Variants in ZFYVE26 observed in about 807,000 individuals in gnomAD.
ZFYVE26 encodes zinc finger FYVE domain-containing protein 26.
ZFYVE26 carries 181 observed loss-of-function variants against 276.5 expected under a neutral mutation model. The observed-to-expected ratio is 0.65, with a 90% confidence interval of 0.58 to 0.74. The LOEUF (loss-of-function observed/expected upper bound fraction) is 0.74. Ranked by LOEUF, ZFYVE26 falls within the 30% of genes least tolerant of loss-of-function variation. The pLI is 0.00. For synonymous variants in ZFYVE26, 1,129 were observed against 1,203.1 expected (o/e 0.94, Z 1.27); for missense variants, 2,821 against 3,097.9 (o/e 0.91, Z 2.12).
chr14:67,808,332 A>C lies in ZFYVE26; in HGVS notation c.364-412T>G, dbSNP rs569440226. On this transcript the variant is annotated intron_variant, in intron 4 of 41. Coordinates refer to ENST00000347230, the MANE Select transcript of ZFYVE26 (RefSeq NM_015346.4). The stretch of plus-strand genomic sequence containing the variant: ...GGCATTTACATTCAATTTTTAAAAG[A>C]ATGTCAGTTTTTAACCCTTGATCTA... 2.6e-5 allele frequency among the ~76,000 whole-genome samples: 4 copies of C among 152,264 alleles called. No homozygotes were observed. The South Asian group carries it at 8.3e-4, about 31-fold the overall frequency.
chr14:67,804,004 A>G, intron 9 of ZFYVE26, 97 bp downstream of exon 9: 1 of 1,536,344 alleles, frequency 6.5e-7, no homozygotes, highest in Non-Finnish European at 9.0e-7. Context: ...CTCTTGAAAG[A>G]TCTCAGCAAT....
chr14:67,735,394 C>A, intron 13 of ZFYVE26: 1 of 674,008 alleles, frequency 1.5e-6, no homozygotes. Context: ...TGTCATGTTT[C>A]CAGAAAAGAC....
chr14:67,780,383 A>G, intron 22 of ZFYVE26, 38 bp from the exon 23 acceptor site: 3 of 1,562,830 alleles, frequency 1.9e-6, no homozygotes, highest in Non-Finnish European at 2.6e-6. Context: ...ACCACACTGC[A>G]GCTTCTCCCT....
At chr14:67,809,382 C>T in intron 3 of ZFYVE26, 93 bp from the exon 4 acceptor site, 12 of 738,416 alleles carry the variant, frequency 1.6e-5, no homozygotes, top group Non-Finnish European at 2.2e-5. Flanking sequence ...AGTCTTATTT[C>T]TGCTATTTCT....
At position 67,733,671 on chromosome 14, in the gene ZFYVE26, T is replaced by C. The variant is rs1015011601; in HGVS notation, n.2680-3852A>G. The C allele has an allele frequency of 1.1e-5, 11 of 965,916 alleles. No individual in the cohort carries two copies. The African/African-American group carries it at 1.8e-4, about 16-fold the overall frequency. 59.8% of individuals were successfully genotyped at this position (965,916 alleles called of 1,614,324 possible). ...GTATTTTATTCATTTAGAAACATTC[T>C]GAGAAAGGGACCATAAAGATTTCCA... On this transcript the variant is annotated intron_variant and non_coding_transcript_variant, in intron 13 of 14. Coordinates refer to the ZFYVE26 transcript ENST00000394455.
chr14:67,778,209 T>C lies in ZFYVE26; in HGVS notation c.4714A>G (p.Ile1572Val). 1 of 1,614,194 alleles carries C rather than the reference T, an allele frequency of 6.2e-7. No homozygotes were observed. The change falls in exon 24 of 42, where the codon ATT becomes GTT. Residue 1572 changes from isoleucine (I) to valine (V), a missense_variant. Transcript: ENST00000347230. ...AGGCTGATTAAATGTTCTCTTGGAA[T>C]GGGGTACAGGCAGCCCCACTCTTCA... is the stretch of plus-strand genomic sequence containing the variant. ...LCEEWGCLYP[I>V]PREHLISLHQ... is the part of the protein sequence containing the mutation.
intron 9 of ZFYVE26, 100 bp from the exon 10 acceptor site, chr14:67,802,382 C>A (rs2040096244): frequency 1.7e-6 from 2 of 1,174,120 alleles, no homozygotes; most frequent in Non-Finnish European, 2.5e-6. Flanking sequence ...TAGAGGTCCA[C>A]TTGTAGGTTC....
At chr14:67,783,562 AT>A (rs1168783614) in intron 20 of ZFYVE26, 37 bp from the exon 21 acceptor site, 1 of 1,606,026 alleles carries the variant, frequency 6.2e-7, no homozygotes, top group South Asian at 1.1e-5. Flanking sequence ...CAAGGCCTGA[AT>A]ACACAGGCAC....
chr14:67,750,186 A>C (rs1018318766), intron 41 of ZFYVE26, among the ~76,000 whole-genome samples: 5 of 152,204 alleles, frequency 3.3e-5, no homozygotes, highest in Admixed American at 2.0e-4. Context: ...AGGATGTCAG[A>C]ATTTCATCCT....
Position 67,798,289 on chromosome 14 carries a change from G to C in ZFYVE26, c.1973C>G (p.Pro658Arg). 1 of 1,614,186 alleles carries C rather than the reference G, an allele frequency of 6.2e-7. No individual in the cohort carries two copies. Residue 658 changes from proline to arginine, a missense_variant, in exon 11 of 42, where the codon CCA becomes CGA. Coordinates refer to ENST00000347230, the MANE Select transcript of ZFYVE26 (RefSeq NM_015346.4). ...CAAAAAGCTGTGCCTATGAGGCCCT[G>C]GGTAACTGTCTTTTGGCTCTGCCTT... ...HVKAEPKDSY[P>R]GPHRHSFLDL...
At chr14:67,729,005 T>C (rs186018209) in intron 14 of ZFYVE26, among the ~76,000 whole-genome samples, 2 of 152,336 alleles carry the variant, frequency 1.3e-5, no homozygotes, top group East Asian at 3.9e-4. Context: ...GAGAAGGCTA[T>C]AGATCTTTCT....
intron 5 of ZFYVE26, 113 bp downstream of exon 5, chr14:67,807,285 C>G: frequency 7.0e-7 from 1 of 1,436,610 alleles, no homozygotes; most frequent in Non-Finnish European, 9.6e-7. Flanking sequence ...TTTTGCTTAG[C>G]CTCCCCTATT....
chr14:67,803,468 T>C (rs1382338618), intron 9 of ZFYVE26, among the ~76,000 whole-genome samples: 1 of 151,916 alleles, frequency 6.6e-6, no homozygotes, highest in Non-Finnish European at 1.5e-5. Flanking sequence ...CAGCCTCCCG[T>C]GTAGCTGGGA....
Position 67,748,529 on chromosome 14 carries a change from C to G in ZFYVE26, c.7527G>C (p.Lys2509Asn). The stretch of plus-strand genomic sequence containing the variant: ...CTTGCACTACTGCATCCCCGCTGCT[C>G]TTGGCGGCCTGCTGCACCTGCTGGA... ...ALVQQVQQAAKSSGDAVVQDI... is the reference protein window; with the variant it reads ...ALVQQVQQAANSSGDAVVQDI... Residue 2509 changes from lysine (K) to asparagine (N), a missense_variant, in exon 42 of 42, where the codon AAG (lysine) becomes AAC (asparagine). Transcript: ENST00000347230. 6.2e-7 allele frequency: 1 copy of G among 1,614,130 alleles called. No homozygotes were observed.
rs887419086 is a variant in ZFYVE26 at position 67,798,406 on chromosome 14, C to A, written c.1856G>T (p.Ser619Ile). Residue 619 changes from serine to isoleucine, a missense_variant, in exon 11 of 42, where the codon AGC (serine) becomes ATC (isoleucine). Transcript: ENST00000347230. ...SPSGLRSPSE[S>I]PQHIAHPERK... Reference sequence around the variant, plus strand: ...TTCAGGATGTGCTATGTGCTGAGGGCTCTCTGATGGGGACCTCAAACCTGA... The same window carrying A: ...TTCAGGATGTGCTATGTGCTGAGGGATCTCTGATGGGGACCTCAAACCTGA... 5 of 1,612,862 alleles carry A rather than the reference C, an allele frequency of 3.1e-6. No homozygotes were observed. In the African/African-American group the frequency reaches 6.7e-5, roughly 22 times the overall value.
chr14:67,729,810 T>C (rs778368027), exon 14 of ZFYVE26: 13 of 489,770 alleles, frequency 2.7e-5, no homozygotes, highest in South Asian at 1.9e-4. Context: ...GCTGCCAAGA[T>C]TGGCACTATC....
At chr14:67,786,891 C>T (rs1428532650) in intron 16 of ZFYVE26, among the ~76,000 whole-genome samples, 1 of 152,162 alleles carries the variant, frequency 6.6e-6, no homozygotes. Context: ...TTAGCAACAA[C>T]TTGGATAGAA....
chr14:67,745,083 C>T (rs1449812103), downstream of ZFYVE26, among the ~76,000 whole-genome samples: 1 of 152,174 alleles, frequency 6.6e-6, no homozygotes, highest in Non-Finnish European at 1.5e-5. Context: ...CTGTTGTTTC[C>T]TGGCTTTTTA....
At chr14:67,759,614 C>A in intron 35 of ZFYVE26, among the ~76,000 whole-genome samples, 1 of 79,180 alleles carries the variant, frequency 1.3e-5, no homozygotes. Flanking sequence ...CAGAGCAAGA[C>A]TCTGGCTCAA....
Sources: gnomAD v4.1 joint callset for allele counts (sites outside exome capture counted in the v4.1 genomes callset) on GRCh38, gnomAD v4.1.1 for gene constraint, MANE v1.5 for transcripts, NCBI Gene and HGNC (gene_info 2026-07-23, HGNC 2026-07-21) for gene names.